Variants in SIN3A observed in about 807,000 individuals in gnomAD.
SIN3A encodes SIN3 transcription regulator family member A, also known as paired amphipathic helix protein Sin3a.
A neutral mutation model predicts 146.1 loss-of-function variants in SIN3A; 14 were observed. That is an observed-to-expected ratio of 0.10 (90% confidence interval 0.06 to 0.15). The LOEUF (loss-of-function observed/expected upper bound fraction) is 0.15. SIN3A is among the 10% of genes least tolerant of loss of function. SIN3A has a pLI of 1.00. For missense variants in SIN3A, 1,028 were observed against 1,576.0 expected, an observed-to-expected ratio of 0.65 and a Z score of 5.89; for synonymous variants, 572 against 572.0, an observed-to-expected ratio of 1.00 and a Z score of 0.00.
chr15:75,454,646 C>T (rs1375253747), upstream of SIN3A, among the ~76,000 whole-genome samples: 1 of 152,036 alleles, frequency 6.6e-6, no homozygotes, highest in Non-Finnish European at 1.5e-5. Context: ...CTTCACTGCC[C>T]CTTTCAGGCC....
chr15:75,397,397 T>C (rs1350341637), intron 12 of SIN3A, among the ~76,000 whole-genome samples: 1 of 152,176 alleles, frequency 6.6e-6, no homozygotes, highest in Non-Finnish European at 1.5e-5. Flanking sequence ...TGAGTTGTTA[T>C]GAGATGAGTA....
rs755626784 is a variant in SIN3A at position 75,410,204 on chromosome 15, C to T, written c.1091G>A (p.Arg364His). ...TEQEVYAQVARLFKNQEDLLS... is the reference protein window; with the variant it reads ...TEQEVYAQVAHLFKNQEDLLS... ...CAAATCTTCCTGGTTTTTAAAGAGA[C>T]GAGCAACCTGGGCATACACCTCCTG... The change falls in exon 7 of 21, where the codon CGT (arginine) becomes CAT (histidine). Residue 364 changes from arginine to histidine, a missense_variant. Arg to His is a conservative substitution (Grantham distance 29). Around this residue, in one of 9 missense-constraint regions of SIN3A, gnomAD observed 40 missense variants for 74.0 expected, o/e 0.54. Coordinates refer to ENST00000394947, the MANE Select transcript of SIN3A (RefSeq NM_001145358.2). The T allele has an allele frequency of 9.3e-6, 15 of 1,613,922 alleles. No homozygotes were observed. The highest frequency in any genetic ancestry group is 2.7e-5 in the African/African-American group (2 of 74,876).
chr15:75,383,486 C>T lies in SIN3A; in HGVS notation c.3195+778G>A, dbSNP rs1423320412. Among the ~76,000 whole-genome samples, 5 of 150,860 alleles carry T rather than the reference C, an allele frequency of 3.3e-5. No individual in the cohort carries two copies. The South Asian group carries it at 6.3e-4, about 19-fold the overall frequency. On this transcript the variant is annotated intron_variant, in intron 17 of 20. Coordinates refer to ENST00000394947, the MANE Select transcript of SIN3A (RefSeq NM_001145358.2). ...TCACCCAGGCTGGGGTGCAGTGACG[C>T]GATCAGGCCTCACTGCAGCCTCGAC...
intron 16 of SIN3A, chr15:75,388,910 C>T (rs1323318312): frequency 6.6e-6 from 1 of 152,324 alleles, no homozygotes; most frequent in East Asian, 1.9e-4. Flanking sequence ...AACAATCTCT[C>T]TGGGAGTTCA....
In SIN3A at chr15:75,371,666, A is replaced by T. The variant is rs1595883394; in HGVS notation, c.*313T>A. On this transcript the variant is annotated 3_prime_UTR_variant, in exon 21 of 21. Coordinates refer to ENST00000394947, the MANE Select transcript of SIN3A (RefSeq NM_001145358.2). ...TGAAAGTTAGGCCACAGGAGACTCC[A>T]GTCTTAGCTCTGCTGGTGTGTGCAA... is the stretch of plus-strand genomic sequence containing the variant. 1 of 315,246 alleles carries T rather than the reference A, an allele frequency of 3.2e-6. No individual in the cohort carries two copies. The highest frequency in any genetic ancestry group is 2.1e-5 in the African/African-American group (1 of 46,958). The allele number at this position is 315,246 out of a possible 1,614,324, so 19.5% of individuals were successfully genotyped here.
At chr15:75,409,793 A>G (rs1183852590) in intron 8 of SIN3A, 43 bp downstream of exon 8, 1 of 1,594,506 alleles carries the variant, frequency 6.3e-7, no homozygotes, top group Admixed American at 1.7e-5. Flanking sequence ...TCCATTAGAA[A>G]TACTTGTGAG....
chr15:75,441,655 G>C (rs1047837789), intron 1 of SIN3A, among the ~76,000 whole-genome samples: 1 of 152,044 alleles, frequency 6.6e-6, no homozygotes, highest in African/African-American at 2.4e-5. Flanking sequence ...CAGGTTTCAG[G>C]TACAGCTCTA....
chr15:75,442,931 T>C (rs1259304426), intron 1 of SIN3A, among the ~76,000 whole-genome samples: 1 of 64,670 alleles, frequency 1.5e-5, no homozygotes, highest in Admixed American at 1.8e-4. Context: ...AAACTCTGTC[T>C]CAAAAAAAAA....
chr15:75,380,597 T>G (rs200660438), intron 19 of SIN3A, 32 bp downstream of exon 19: 4 of 1,471,900 alleles, frequency 2.7e-6, no homozygotes, highest in Non-Finnish European at 3.8e-6. Flanking sequence ...ATGCACAGTA[T>G]GGACTGCTGA....
Position 75,371,213 on chromosome 15 carries a change from TGTGTGTGTGTGC to T in SIN3A, c.*754_*765del, listed in dbSNP as rs2141354360. The T allele has an allele frequency of 6.7e-6, 1 of 149,852 alleles. No individual in the cohort carries two copies. The highest frequency in any genetic ancestry group is 2.4e-4 in the East Asian group (1 of 4,176). The allele number at this position is 149,852 out of a possible 1,614,324, so 9.3% of individuals were successfully genotyped here. Reference sequence around the variant, plus strand: ...TGTACAAAAAAACAAGTTAAAATTGTGTGTGTGTGTGCGTGTGTGTGTCAGAGAGTAAAGCTG... The same window carrying T: ...TGTACAAAAAAACAAGTTAAAATTGTGTGTGTGTGTCAGAGAGTAAAGCTG... On this transcript the variant is annotated 3_prime_UTR_variant, in exon 21 of 21. Transcript: ENST00000394947.
chr15:75,450,392 C>T (rs2074381036), intron 1 of SIN3A, among the ~76,000 whole-genome samples: 1 of 152,272 alleles, frequency 6.6e-6, no homozygotes, highest in East Asian at 1.9e-4. Flanking sequence ...CCGCCCCGTA[C>T]AGCCACGGTA....
rs887397194 is a variant in SIN3A, at chr15:75,378,993, C to T, written c.3383+1636G>A. On this transcript the variant is annotated intron_variant, in intron 19 of 20. Coordinates refer to ENST00000394947, the MANE Select transcript of SIN3A (RefSeq NM_001145358.2). ...TCCACTCACTGCAACCTCCGCCTTC[C>T]GGTTCAAGCAATTCTCCTGCCTCAG... Among the ~76,000 whole-genome samples the T allele has an allele frequency of 8.6e-5, 13 of 151,758 alleles. 1 individual carries two copies. Among genetic ancestry groups the T allele is most frequent in the African/African-American group, 1.9e-4 (8 of 41,362 alleles).
At chr15:75,450,718 CTGA>C (rs1289775522) in intron 1 of SIN3A, among the ~76,000 whole-genome samples, 1 of 152,260 alleles carries the variant, frequency 6.6e-6, no homozygotes, top group African/African-American at 2.4e-5. Flanking sequence ...AGAGTAAGTC[CTGA>C]CACCTCCACA....
At chr15:75,438,319 C>G (rs767385402) in intron 1 of SIN3A, among the ~76,000 whole-genome samples, 1 of 151,846 alleles carries the variant, frequency 6.6e-6, no homozygotes, top group African/African-American at 2.4e-5. Context: ...GAGCTGAGAT[C>G]GCGCCACCGC....
chr15:75,416,023 C>G, intron 3 of SIN3A: 1 of 323,420 alleles, frequency 3.1e-6, no homozygotes, highest in Non-Finnish European at 6.0e-6. Flanking sequence ...CCAAGTGAAA[C>G]ATGTGCATTT....
At chr15:75,383,310 G>A (rs1426361770) in intron 17 of SIN3A, among the ~76,000 whole-genome samples, 2 of 151,320 alleles carry the variant, frequency 1.3e-5, no homozygotes. Flanking sequence ...ATTTTGTCCA[G>A]TATAAACTCT....
chr15:75,409,217 G>C (rs1339705396), intron 8 of SIN3A, among the ~76,000 whole-genome samples: 1 of 150,774 alleles, frequency 6.6e-6, no homozygotes. Context: ...AAAAAAAGAA[G>C]GGAAAAAAAT....
upstream of SIN3A, chr15:75,454,931 C>G (rs949379003): frequency 1.3e-5 from 2 of 152,242 alleles, no homozygotes; most frequent in Non-Finnish European, 2.9e-5. Flanking sequence ...CGCGGCCTGA[C>G]GGGTTCCGGC....
chr15:75,435,462 C>T (rs2074090487), intron 1 of SIN3A, among the ~76,000 whole-genome samples: 1 of 152,146 alleles, frequency 6.6e-6, no homozygotes, highest in East Asian at 1.9e-4. Flanking sequence ...CTTTGGGAGG[C>T]CGAGGCGGGT....
Sources: gnomAD v4.1 joint callset for allele counts (sites outside exome capture counted in the v4.1 genomes callset) on GRCh38, gnomAD v4.1.1 for gene constraint, gnomAD v4.1.1 regional missense constraint, MANE v1.5 for transcripts, NCBI Gene and HGNC (gene_info 2026-07-23, HGNC 2026-07-21) for gene names.